Variants in ARHGAP32 observed in about 807,000 individuals in gnomAD.
The protein encoded by ARHGAP32 is rho GTPase-activating protein 32.
A neutral mutation model predicts 186.5 loss-of-function variants in ARHGAP32; 51 were observed. The ratio of observed to expected loss-of-function variants is 0.27; its 90% confidence interval spans 0.22 to 0.35. The LOEUF (loss-of-function observed/expected upper bound fraction) is 0.35, where lower values mean the gene tolerates loss of function less well. Among genes scored for constraint, ARHGAP32 ranks in the 10% least tolerant of loss-of-function variants. The pLI, the probability that ARHGAP32 is intolerant of heterozygous loss-of-function variation, is 1.00. For missense variants in ARHGAP32, 2,186 were observed against 2,623.5 expected (o/e 0.83, Z 3.64); for synonymous variants, 950 against 964.3 (o/e 0.99, Z 0.27).
chr11:129,077,723 G>T (rs1046145569), intron 6 of ARHGAP32, among the ~76,000 whole-genome samples: 6 of 151,980 alleles, frequency 3.9e-5, no homozygotes, highest in African/African-American at 1.5e-4. Context: ...GAAGACAAAA[G>T]ACATAATCCC....
chr11:129,108,575 A>G (rs1187198996), intron 5 of ARHGAP32, among the ~76,000 whole-genome samples: 1 of 152,164 alleles, frequency 6.6e-6, no homozygotes, highest in Non-Finnish European at 1.5e-5. Context: ...ATAGGCTAGA[A>G]TATTTTCATA....
chr11:129,260,976 A>G (rs1182763554), intron 1 of ARHGAP32, among the ~76,000 whole-genome samples: 3 of 152,194 alleles, frequency 2.0e-5, no homozygotes, highest in Admixed American at 6.5e-5. Context: ...AAAACTTTCC[A>G]TAACTATTTC....
intron 1 of ARHGAP32, among the ~76,000 whole-genome samples, chr11:129,173,611 C>T (rs1260732765): frequency 6.6e-6 from 1 of 152,156 alleles, no homozygotes; most frequent in African/African-American, 2.4e-5. Flanking sequence ...CATCAAAGAG[C>T]TTATCCACCA....
At chr11:129,260,928 T>C (rs959833837) in intron 1 of ARHGAP32, among the ~76,000 whole-genome samples, 2 of 152,170 alleles carry the variant, frequency 1.3e-5, no homozygotes, top group African/African-American at 4.8e-5. Flanking sequence ...CAAACAACTT[T>C]GCCAGAACAA....
intron 1 of ARHGAP32, among the ~76,000 whole-genome samples, chr11:129,259,633 T>C (rs56380672): frequency 0.31 from 47,068 of 150,698 alleles, 7,622 homozygotes; most frequent in Middle Eastern, 0.41. Context: ...TTTCCAACCA[T>C]AGAACTGGAA....
chr11:129,033,635 A>G (rs1461329825), intron 11 of ARHGAP32, among the ~76,000 whole-genome samples: 1 of 152,194 alleles, frequency 6.6e-6, no homozygotes, highest in Non-Finnish European at 1.5e-5. Context: ...TTCAGTTATA[A>G]TTAATACTAT....
chr11:129,173,664 C>T lies in ARHGAP32; in HGVS notation c.117-9237G>A, dbSNP rs150142042. Among the ~76,000 whole-genome samples, 687 of 152,322 alleles carry T rather than the reference C, an allele frequency of 4.5e-3. 3 individuals carry two copies. Among genetic ancestry groups the T allele is most frequent in the South Asian group, 0.022 (106 of 4,828 alleles). On this transcript the variant is annotated intron_variant, in intron 1 of 22. Coordinates refer to ENST00000682385, the MANE Select transcript of ARHGAP32 (RefSeq NM_001378024.1). ...TTCCTGGGATGCAAGTCTGGTTCAA[C>T]ATATGCAAATCAATAAATGTAATCC...
At chr11:129,064,118 T>TA in intron 8 of ARHGAP32, 94 bp from the exon 9 acceptor site, 2 of 1,164,700 alleles carry the variant, frequency 1.7e-6, no homozygotes, top group Non-Finnish European at 2.3e-6. Context: ...AATTTAGAGA[T>TA]ACAATAACCC....
chr11:129,101,805 T>G (rs1042802972), intron 5 of ARHGAP32, among the ~76,000 whole-genome samples: 2 of 152,118 alleles, frequency 1.3e-5, no homozygotes, highest in African/African-American at 4.8e-5. Context: ...CATGAGAACT[T>G]CCCCAACCTA....
chr11:129,085,886 C>T (rs1041193073), intron 6 of ARHGAP32, among the ~76,000 whole-genome samples: 5 of 151,610 alleles, frequency 3.3e-5, no homozygotes, highest in East Asian at 3.9e-4. Flanking sequence ...CCCAGCTACT[C>T]GGGAGGCTGA....
chr11:128,993,691 G>C (rs991856712), intron 12 of ARHGAP32, among the ~76,000 whole-genome samples: 2 of 151,194 alleles, frequency 1.3e-5, no homozygotes, highest in Admixed American at 6.6e-5. Flanking sequence ...CAATACATAT[G>C]AAGTCTTTTT....
At position 129,158,311 on chromosome 11, in the gene ARHGAP32, G is replaced by T. The variant is rs1943456028; in HGVS notation, c.225+6008C>A. 2.6e-5 allele frequency among the ~76,000 whole-genome samples: 4 copies of T among 151,558 alleles called. No individual in the cohort carries two copies. The South Asian group carries it at 8.4e-4, about 32-fold the overall frequency. ...GGATAAAGAGTCAAGACTCATCGGGGTGCTGAATTCAGGAGATTCATCTCA... is the reference window on the plus strand; with the variant it reads ...GGATAAAGAGTCAAGACTCATCGGGTTGCTGAATTCAGGAGATTCATCTCA... On this transcript the variant is annotated intron_variant, in intron 2 of 22. Transcript: ENST00000682385.
chr11:129,164,266 T>C, intron 2 of ARHGAP32, 53 bp downstream of exon 2: 1 of 1,109,510 alleles, frequency 9.0e-7, no homozygotes, highest in East Asian at 2.6e-5. Context: ...CTTATATAAG[T>C]GCTATATATA....
At chr11:129,133,874 A>T (rs1304656582) in intron 2 of ARHGAP32, among the ~76,000 whole-genome samples, 1 of 152,222 alleles carries the variant, frequency 6.6e-6, no homozygotes, top group Non-Finnish European at 1.5e-5. Context: ...ACAGATTATT[A>T]ATCTCCACTT....
intron 6 of ARHGAP32, among the ~76,000 whole-genome samples, chr11:129,091,188 T>C (rs546678258): frequency 6.6e-5 from 10 of 152,202 alleles, no homozygotes; most frequent in African/African-American, 1.9e-4. Context: ...CACACCAATA[T>C]GGGTAAATGA....
chr11:129,259,383 C>A (rs1372945467), intron 1 of ARHGAP32, among the ~76,000 whole-genome samples: 1 of 151,996 alleles, frequency 6.6e-6, no homozygotes, highest in Non-Finnish European at 1.5e-5. Context: ...ATGATATTTT[C>A]ATACTGAGAG....
upstream of ARHGAP32, among the ~76,000 whole-genome samples, chr11:129,193,501 T>A (rs868529114): frequency 2.6e-3 from 214 of 82,762 alleles, 11 homozygotes; most frequent in African/African-American, 0.011. Context: ...AAAAAAAAAA[T>A]ATATATATAT....
intron 1 of ARHGAP32, among the ~76,000 whole-genome samples, chr11:129,261,413 T>C (rs911974356): frequency 2.0e-5 from 3 of 152,294 alleles, no homozygotes; most frequent in South Asian, 2.1e-4. Context: ...CATAATATTT[T>C]ACATACCACT....
Position 128,969,092 on chromosome 11 carries a change from C to T in ARHGAP32, c.6121G>A (p.Glu2041Lys). The stretch of plus-strand genomic sequence containing the variant: ...TGCTGAGGCAGGGAGTGGTAATCTT[C>T]CAGGTTATCATACTGGGACACAACA... ...VTVVSQYDNL[E>K]DYHSLPQHQR... Residue 2041 changes from glutamate (E) to lysine (K), a missense_variant, in exon 23 of 23, where the codon GAA (glutamate) becomes AAA (lysine). Physicochemically the swap from Glu to Lys is moderately conservative, Grantham distance 56. Coordinates refer to ENST00000682385, the MANE Select transcript of ARHGAP32 (RefSeq NM_001378024.1). This position sits in a 1 kb window ranked among gnomAD's most constrained non-coding sequence, Gnocchi z 4.8. The T allele has an allele frequency of 6.2e-7, 1 of 1,606,770 alleles. No homozygotes were observed. The highest frequency in any genetic ancestry group is 8.5e-7 in the Non-Finnish European group (1 of 1,174,828).
Sources: allele counts gnomAD v4.1 joint callset (sites outside exome capture counted in the v4.1 genomes callset), GRCh38; gene constraint gnomAD v4.1.1; non-coding constraint Gnocchi (gnomAD v3.1); transcripts MANE v1.5; gene names NCBI Gene and HGNC (gene_info 2026-07-23, HGNC 2026-07-21).